CSMD1: variants seen among roughly 807,000 people sequenced by gnomAD.
The protein encoded by CSMD1 is CUB and Sushi multiple domains 1, also known as CUB and sushi domain-containing protein 1.
In CSMD1, 213 loss-of-function variants were observed where a neutral mutation model predicts 417.5. The observed-to-expected ratio is 0.51, with a 90% CI of 0.46 to 0.57. The LOEUF is 0.57. Ranked by LOEUF, CSMD1 falls within the 20% of genes least tolerant of loss-of-function variation. The pLI is 0.00. For synonymous variants in CSMD1, 2,862 were observed against 1,736.8 expected (o/e 1.65, Z -16.11); for missense variants, 6,923 against 4,529.7 (o/e 1.53, Z -15.17).
At chr8:4,083,999 A>G (rs1176767252) in intron 3 of CSMD1, among the ~76,000 whole-genome samples, 4 of 152,214 alleles carry the variant, frequency 2.6e-5, no homozygotes, top group Non-Finnish European at 4.4e-5. Context: ...ATTTACAAGA[A>G]AAAAACAAAC....
intron 10 of CSMD1, among the ~76,000 whole-genome samples, chr8:3,550,798 G>T (rs1002612945): frequency 6.6e-6 from 1 of 152,232 alleles, no homozygotes; most frequent in South Asian, 2.1e-4. Flanking sequence ...GTCACAGACA[G>T]GCACCTCGTG....
chr8:3,677,886 C>T (rs890041896), intron 7 of CSMD1, among the ~76,000 whole-genome samples: 2 of 152,014 alleles, frequency 1.3e-5, no homozygotes, highest in African/African-American at 2.4e-5. Context: ...CCTTTTTTTC[C>T]ATCATGAAAC....
intron 23 of CSMD1, among the ~76,000 whole-genome samples, chr8:3,327,428 C>G (rs540324741): frequency 6.6e-6 from 1 of 152,144 alleles, no homozygotes; most frequent in Non-Finnish European, 1.5e-5. Context: ...CCACCTCGTC[C>G]GGCCTACAAT....
intron 2 of CSMD1, among the ~76,000 whole-genome samples, chr8:4,634,316 A>G (rs1384106435): frequency 6.6e-6 from 1 of 152,232 alleles, no homozygotes; most frequent in African/African-American, 2.4e-5. Flanking sequence ...GTAAGCATCA[A>G]TAATTCTAAA....
chr8:4,766,236 G>A (rs1812455070), intron 1 of CSMD1, among the ~76,000 whole-genome samples: 1 of 152,168 alleles, frequency 6.6e-6, no homozygotes, highest in Non-Finnish European at 1.5e-5. Flanking sequence ...GCAACAAGTG[G>A]AATGAGGTAT....
At chr8:3,789,309 G>T (rs1445760641) in intron 5 of CSMD1, among the ~76,000 whole-genome samples, 1 of 150,540 alleles carries the variant, frequency 6.6e-6, no homozygotes, top group Non-Finnish European at 1.5e-5. Flanking sequence ...TATATTTATT[G>T]TGACAGCCCC....
chr8:3,601,256 C>T (rs144728176), intron 8 of CSMD1, among the ~76,000 whole-genome samples: 64 of 152,202 alleles, frequency 4.2e-4, no homozygotes, highest in Middle Eastern at 3.4e-3. Flanking sequence ...TTGATGGAGG[C>T]CAAGATTTGG....
intron 1 of CSMD1, among the ~76,000 whole-genome samples, chr8:4,767,369 C>A (rs189418109): frequency 6.6e-6 from 1 of 152,128 alleles, no homozygotes; most frequent in Admixed American, 6.5e-5. Context: ...TTTGCCTTTA[C>A]GAAACATAAT....
intron 54 of CSMD1, among the ~76,000 whole-genome samples, chr8:2,983,508 T>G (rs906141313): frequency 9.2e-5 from 14 of 152,156 alleles, no homozygotes; most frequent in South Asian, 2.1e-4. Flanking sequence ...ATTTTTAACT[T>G]CATTTATTTA....
chr8:4,415,637 T>G (rs1261156744), intron 3 of CSMD1, among the ~76,000 whole-genome samples: 1 of 152,226 alleles, frequency 6.6e-6, no homozygotes, highest in East Asian at 1.9e-4. Context: ...ATTCATTTCA[T>G]CTTTGTATTC....
chr8:4,500,502 G>A (rs1330980207), intron 2 of CSMD1, among the ~76,000 whole-genome samples: 1 of 152,154 alleles, frequency 6.6e-6, no homozygotes, highest in African/African-American at 2.4e-5. Flanking sequence ...CTCCTTTTGT[G>A]TAAATTGAAG....
chr8:4,855,145 C>T (rs1360342885), intron 1 of CSMD1, among the ~76,000 whole-genome samples: 8 of 151,402 alleles, frequency 5.3e-5, no homozygotes, highest in Non-Finnish European at 8.8e-5. Context: ...CACCCCCCAG[C>T]AGGGGCACAC....
chr8:4,437,846 G>A (rs1368567460), intron 2 of CSMD1, among the ~76,000 whole-genome samples: 5 of 152,146 alleles, frequency 3.3e-5, no homozygotes, highest in Admixed American at 6.5e-5. Flanking sequence ...GTGCAGGTCT[G>A]CCCCTAGTTC....
intron 3 of CSMD1, among the ~76,000 whole-genome samples, chr8:4,305,793 T>G (rs1051593645): frequency 6.6e-6 from 1 of 152,184 alleles, no homozygotes; most frequent in African/African-American, 2.4e-5. Context: ...AAAAGTGATT[T>G]GGGATTTCAA....
chr8:3,814,768 A>T (rs1008151926), intron 5 of CSMD1, among the ~76,000 whole-genome samples: 1 of 152,176 alleles, frequency 6.6e-6, no homozygotes, highest in Non-Finnish European at 1.5e-5. Context: ...CCAATGGACT[A>T]TTCTGCCACG....
chr8:4,392,461 G>C (rs189918378), intron 3 of CSMD1, among the ~76,000 whole-genome samples: 240 of 152,152 alleles, frequency 1.6e-3, no homozygotes, highest in African/African-American at 5.2e-3. Flanking sequence ...AGAATTATCA[G>C]TCCATTGGCA....
intron 1 of CSMD1, among the ~76,000 whole-genome samples, chr8:4,910,181 C>A (rs751749757): frequency 3.3e-5 from 5 of 152,094 alleles, no homozygotes; most frequent in Non-Finnish European, 7.3e-5. Flanking sequence ...TTTCATTATA[C>A]ACATACACAC....
At chr8:4,073,556 C>G (rs1799670013) in intron 3 of CSMD1, among the ~76,000 whole-genome samples, 2 of 152,088 alleles carry the variant, frequency 1.3e-5, no homozygotes, top group South Asian at 4.1e-4. Context: ...AATAACCATG[C>G]TATTAATCCT....
chr8:4,642,136 G>C (rs1379492927), intron 1 of CSMD1, among the ~76,000 whole-genome samples: 3 of 152,224 alleles, frequency 2.0e-5, no homozygotes, highest in Non-Finnish European at 2.9e-5. Flanking sequence ...AGGTCTGCAA[G>C]ATGGGCAAGT....
Sources: allele counts gnomAD v4.1 joint callset (sites outside exome capture counted in the v4.1 genomes callset), GRCh38; gene constraint gnomAD v4.1.1; transcripts MANE v1.5; gene names NCBI Gene and HGNC (gene_info 2026-07-23, HGNC 2026-07-21).